Variants in NAV1 observed in about 807,000 individuals in gnomAD.
The protein encoded by NAV1 is neuron navigator 1.
Under a neutral mutation model 175.2 loss-of-function variants are expected in NAV1, and 18 were observed. The ratio of observed to expected loss-of-function variants is 0.10; its 90% CI spans 0.07 to 0.15. NAV1 has a LOEUF of 0.15. NAV1 is among the 10% of genes least tolerant of loss of function. The pLI is 1.00. For missense variants in NAV1, 1,731 were observed against 2,436.6 expected (o/e 0.71, Z 6.10); for synonymous variants, 897 against 978.7 (o/e 0.92, Z 1.56).
rs536557838 is a variant in NAV1 at position 201,695,390 on chromosome 1, C to A, written c.758-17427C>A. ...CGAGGTGGGGGCTTCCTCCTGTCACCCCACCTCTGCCCTTGTCCGAGGGCT... is the reference window on the plus strand; with the variant it reads ...CGAGGTGGGGGCTTCCTCCTGTCACACCACCTCTGCCCTTGTCCGAGGGCT... On this transcript the variant is annotated intron_variant, in intron 1 of 29. Transcript: ENST00000367296. 3.3e-5 allele frequency among the ~76,000 whole-genome samples: 5 copies of A among 152,300 alleles called. No individual in the cohort carries two copies. In the South Asian group the frequency reaches 1.0e-3, roughly 32 times the overall value.
At chr1:201,662,524 G>A (rs1272660088) in intron 1 of NAV1, among the ~76,000 whole-genome samples, 1 of 152,172 alleles carries the variant, frequency 6.6e-6, no homozygotes, top group Non-Finnish European at 1.5e-5. Flanking sequence ...AGTCATGCGT[G>A]TGAGGGTTCA....
At chr1:201,656,999 C>T (rs551082294) in intron 1 of NAV1, among the ~76,000 whole-genome samples, 104 of 152,340 alleles carry the variant, frequency 6.8e-4, no homozygotes, top group Middle Eastern at 6.8e-3. Context: ...CAGGCCCTGC[C>T]TTCTCTCTGT....
chr1:201,629,539 G>A (rs771865195), intron 2 of NAV1, 32 bp downstream of exon 4: 2 of 1,281,740 alleles, frequency 1.6e-6, no homozygotes, highest in South Asian at 2.5e-5. Flanking sequence ...TCCTCCTAGG[G>A]TCGGGAGGCC....
At chr1:201,610,017 G>C (rs1667800964) in intron 2 of NAV1, among the ~76,000 whole-genome samples, 1 of 152,118 alleles carries the variant, frequency 6.6e-6, no homozygotes, top group African/African-American at 2.4e-5. Flanking sequence ...TTGGAACTGA[G>C]GCCTATGTAG....
intron 25 of NAV1, 72 bp from the exon 30 acceptor site, chr1:201,811,831 G>A: frequency 6.2e-7 from 1 of 1,612,636 alleles, no homozygotes; most frequent in Non-Finnish European, 8.5e-7. Flanking sequence ...CAACCTATGA[G>A]TTGTGTGCAT....
chr1:201,646,710 C>T (rs1335763279), upstream of NAV1, among the ~76,000 whole-genome samples: 2 of 152,172 alleles, frequency 1.3e-5, no homozygotes, highest in African/African-American at 2.4e-5. Context: ...TGAGATAACA[C>T]CAGAACCCAA....
intron 1 of NAV1, among the ~76,000 whole-genome samples, chr1:201,681,196 A>G (rs1377888541): frequency 6.6e-6 from 1 of 152,140 alleles, no homozygotes; most frequent in Non-Finnish European, 1.5e-5. Context: ...TCAGGCCTCC[A>G]CAATTGCACT....
chr1:201,656,873 C>G (rs1169645257), intron 1 of NAV1, among the ~76,000 whole-genome samples: 2 of 152,186 alleles, frequency 1.3e-5, no homozygotes, highest in African/African-American at 4.8e-5. Flanking sequence ...GGCTTCTTTC[C>G]CAGAAAAGCA....
chr1:201,782,692 C>G lies in NAV1; in HGVS notation c.2180C>G (p.Thr727Ser), dbSNP rs761637169. The G allele has an allele frequency of 6.2e-7, 1 of 1,614,190 alleles. No individual in the cohort carries two copies. Among genetic ancestry groups the G allele is most frequent in the Non-Finnish European group, 8.5e-7 (1 of 1,180,044 alleles). ...ACCAAGGTAGCCAGTGGGCGGACCA[C>G]TCCAGCCCCTGTCAATCAGACAGAT... The change falls in exon 6 of 30, where the codon ACT becomes AGT. Residue 727 changes from threonine (T) to serine (S), a missense_variant. By Grantham distance (58) the Thr-to-Ser change is moderately conservative. Transcript: ENST00000367296. This position sits in a 1 kb window ranked among gnomAD's most constrained non-coding sequence, Gnocchi z 5.4.
chr1:201,731,408 A>G (rs1672855228), intron 3 of NAV1, among the ~76,000 whole-genome samples: 4 of 152,104 alleles, frequency 2.6e-5, no homozygotes. Flanking sequence ...GGACCCCTCC[A>G]GAGAAACAAG....
intron 1 of NAV1, among the ~76,000 whole-genome samples, chr1:201,587,101 C>T (rs1052493759): frequency 9.9e-5 from 15 of 151,724 alleles, no homozygotes; most frequent in African/African-American, 3.4e-4. Flanking sequence ...GTCCCAGCTA[C>T]ACAGGAAGCT....
At chr1:201,777,519 C>T (rs1048772162) in intron 3 of NAV1, among the ~76,000 whole-genome samples, 1 of 150,070 alleles carries the variant, frequency 6.7e-6, no homozygotes, top group Non-Finnish European at 1.5e-5. Context: ...TCTTGAACAC[C>T]TGGCTTCAAG....
In NAV1 at chr1:201,573,977, G is replaced by A. The variant is rs1445311613; in HGVS notation, c.-143-14562G>A. Reference sequence around the variant, plus strand: ...AGGTTGAGGTGGGAGGATCGCTTGAGCCCACGAGTTTGAGGCTACAGTGAG... The same window carrying A: ...AGGTTGAGGTGGGAGGATCGCTTGAACCCACGAGTTTGAGGCTACAGTGAG... On this transcript the variant is annotated intron_variant, in intron 1 of 33. Transcript: ENST00000685211. Among the ~76,000 whole-genome samples, 5 of 151,964 alleles carry A rather than the reference G, an allele frequency of 3.3e-5. No individual in the cohort carries two copies. The East Asian group carries it at 9.7e-4, about 29-fold the overall frequency.
intron 1 of NAV1, among the ~76,000 whole-genome samples, chr1:201,703,519 G>A (rs1373908376): frequency 6.6e-6 from 1 of 151,840 alleles, no homozygotes; most frequent in Non-Finnish European, 1.5e-5. Flanking sequence ...TTCCAAACAG[G>A]GCTCGAGGCC....
chr1:201,627,157 CAGT>C (rs1384299474), intron 1 of NAV1, among the ~76,000 whole-genome samples: 60 of 152,224 alleles, frequency 3.9e-4, no homozygotes. Context: ...TGCAGTGGCA[CAGT>C]CATAGCTCAC....
intron 3 of NAV1, among the ~76,000 whole-genome samples, chr1:201,734,188 G>C (rs540436179): frequency 6.6e-5 from 10 of 152,018 alleles, no homozygotes; most frequent in Non-Finnish European, 1.5e-4. Flanking sequence ...CGGGCGGATT[G>C]CTTGAGCCCA....
intron 1 of NAV1, among the ~76,000 whole-genome samples, chr1:201,572,280 T>C (rs562930695): frequency 1.3e-5 from 2 of 152,228 alleles, no homozygotes; most frequent in African/African-American, 4.8e-5. Context: ...CTGGCTTCCA[T>C]AGTTCCCTGA....
intron 1 of NAV1, among the ~76,000 whole-genome samples, chr1:201,549,131 CTT>C (rs766334077): frequency 7.2e-6 from 1 of 139,242 alleles, no homozygotes; most frequent in Admixed American, 7.4e-5. Flanking sequence ...TTCTTTCTTT[CTT>C]TCTTTCTTTC....
At chr1:201,554,113 G>A (rs1665945046) in intron 1 of NAV1, among the ~76,000 whole-genome samples, 2 of 152,178 alleles carry the variant, frequency 1.3e-5, no homozygotes, top group Non-Finnish European at 2.9e-5. Flanking sequence ...TTTATCTCCT[G>A]GAGCTGGGAA....
Sources: allele counts gnomAD v4.1 joint callset (sites outside exome capture counted in the v4.1 genomes callset), GRCh38; gene constraint gnomAD v4.1.1; non-coding constraint Gnocchi (gnomAD v3.1); transcripts MANE v1.5; gene names NCBI Gene and HGNC (gene_info 2026-07-23, HGNC 2026-07-21).